Variants in YY1AP1 observed in about 807,000 individuals in gnomAD.
The protein encoded by YY1AP1 is YY1 associated protein 1.
YY1AP1 carries 43 observed loss-of-function variants against 39.9 expected under a neutral mutation model. The ratio of observed to expected loss-of-function variants is 1.08; its 90% CI spans 0.84 to 1.39. The LOEUF is 1.39. Among genes scored for constraint, YY1AP1 ranks in the 40% most tolerant of loss-of-function variants. The pLI, the probability that YY1AP1 is intolerant of heterozygous loss-of-function variation, is 0.00. For missense variants in YY1AP1, 813 were observed against 900.7 expected (o/e 0.90, Z 1.25); for synonymous variants, 292 against 331.3 (o/e 0.88, Z 1.29).
intron 2 of YY1AP1, among the ~76,000 whole-genome samples, chr1:155,685,320 A>ATCTCTTCAACCACAGAAAATTAGCG (rs1443250793): frequency 6.6e-6 from 1 of 152,182 alleles, no homozygotes; most frequent in Non-Finnish European, 1.5e-5. Flanking sequence ...AATTCACAGC[A>ATCTCTTCAACCACAGAAAATTAGCG]TCTCTTCAAC....
At position 155,660,347 on chromosome 1, in the gene YY1AP1, A is replaced by C; in HGVS notation, c.1563T>G (p.Phe521Leu). 1.2e-6 allele frequency: 2 copies of C among 1,614,138 alleles called. No homozygotes were observed. Among genetic ancestry groups the C allele is most frequent in the South Asian group, 2.2e-5 (2 of 91,072 alleles). Residue 521 changes from phenylalanine (F) to leucine (L), a missense_variant, in exon 11 of 11, where the codon TTT becomes TTG. Around this residue, in one of 3 missense-constraint regions of YY1AP1, gnomAD observed 586 missense variants for 647.4 expected, o/e 0.91. Transcript: ENST00000355499. ...GTCTCCGTCTCACATATGGCTTTCG[A>C]AACATGGAAGAGGCAGGGGAGGGCA... is the stretch of plus-strand genomic sequence containing the variant. ...VMMPSPASSMFRKPYVRRRPS... is the reference protein window; with the variant it reads ...VMMPSPASSMLRKPYVRRRPS...
chr1:155,688,765 C>T lies in YY1AP1; in HGVS notation c.-258G>A. ...CGCCAAAGCAGCCGCCGCCAGCACC[C>T]CCACCCTACACTCCTCGCGCGTGCG... is the stretch of plus-strand genomic sequence containing the variant. On this transcript the variant is annotated 5_prime_UTR_variant, in exon 1 of 11. Transcript: ENST00000355499. The T allele has an allele frequency of 1.3e-6, 2 of 1,529,116 alleles. No homozygotes were observed. The allele number at this position is 1,529,116 out of a possible 1,614,324, so 94.7% of individuals were successfully genotyped here.
chr1:155,681,266 G>C (rs1216206023), intron 2 of YY1AP1, among the ~76,000 whole-genome samples: 1 of 151,972 alleles, frequency 6.6e-6, no homozygotes, highest in East Asian at 1.9e-4. Context: ...CTGACCTCAG[G>C]TGATCCGCCC....
chr1:155,670,560 C>A lies in YY1AP1; in HGVS notation c.584-96G>T, dbSNP rs1313331965. 2.3e-6 allele frequency: 3 copies of A among 1,317,818 alleles called. No individual in the cohort carries two copies. The East Asian group carries it at 7.2e-5, about 32-fold the overall frequency. The allele number at this position is 1,317,818 out of a possible 1,614,324, so 81.6% of individuals were successfully genotyped here. On this transcript the variant is annotated intron_variant, in intron 7 of 10. Coordinates refer to ENST00000355499, the MANE Select transcript of YY1AP1 (RefSeq NM_139119.3). ...ATTTTTGCATTTAGGTAGAGCTGTC[C>A]TTATCTAACTTGATTCCCTCCCATC...
At chr1:155,663,719 A>AAAAC (rs1321017140) in intron 9 of YY1AP1, among the ~76,000 whole-genome samples, 5 of 152,016 alleles carry the variant, frequency 3.3e-5, no homozygotes, top group African/African-American at 9.7e-5. Context: ...ACTCTGTCTC[A>AAAAC]AAACAAACAA....
rs967166056 is a variant in YY1AP1, at chr1:155,672,653, G to C, written c.490C>G (p.Pro164Ala). 4 of 1,613,942 alleles carry C rather than the reference G, an allele frequency of 2.5e-6. No individual in the cohort carries two copies. Among genetic ancestry groups the C allele is most frequent in the Non-Finnish European group, 3.4e-6 (4 of 1,179,934 alleles). ...YNPKFQTLFQ[P>A]CNLMGAMQLI... ...TGCATAGCTCCCATCAAGTTACAGGGTTGGAACAGGGTCTGAAACTTGGGG... is the reference window on the plus strand; with the variant it reads ...TGCATAGCTCCCATCAAGTTACAGGCTTGGAACAGGGTCTGAAACTTGGGG... Residue 164 changes from proline to alanine, a missense_variant, in exon 7 of 11, where the codon CCC becomes GCC. By Grantham distance (27) the Pro-to-Ala change is conservative. Coordinates refer to ENST00000355499, the MANE Select transcript of YY1AP1 (RefSeq NM_139119.3).
chr1:155,682,290 T>G (rs475550), intron 2 of YY1AP1, among the ~76,000 whole-genome samples: 1 of 151,890 alleles, frequency 6.6e-6, no homozygotes, highest in African/African-American at 2.4e-5. Flanking sequence ...TCTACAATGG[T>G]TATCTAGGAA....
chr1:155,662,998 C>G (rs192171516), intron 9 of YY1AP1, among the ~76,000 whole-genome samples: 62 of 152,092 alleles, frequency 4.1e-4, no homozygotes, highest in African/African-American at 1.4e-3. Context: ...GAGCAAGACT[C>G]CAACCCCGAC....
intron 6 of YY1AP1, 64 bp downstream of exon 6, chr1:155,674,946 G>C (rs923501618): frequency 1.0e-5 from 15 of 1,452,266 alleles, no homozygotes; most frequent in Non-Finnish European, 1.3e-5. Flanking sequence ...ATAACTGTGA[G>C]AAATAACCTG....
chr1:155,659,858 G>C lies in YY1AP1; in HGVS notation c.2052C>G (p.Val684=), dbSNP rs201169109. 44 of 1,614,058 alleles carry C rather than the reference G, an allele frequency of 2.7e-5. No homozygotes were observed. Among genetic ancestry groups the C allele is most frequent in the Non-Finnish European group, 3.5e-5 (41 of 1,180,048 alleles). The change falls in exon 11 of 11, where the codon GTC becomes GTG. Residue 684 remains valine (V), a synonymous_variant. Transcript: ENST00000355499. ...KVEHSPGPPP[V]DKQCQEGLSE... ...ACAATCCTTCTTGGCACTGTTTATC[G>C]ACTGGTGGAGGCCCTGGGCTATGTT...
At chr1:155,670,675 CTT>C (rs58881636) in intron 7 of YY1AP1, 19,016 of 320,088 alleles carry the variant, frequency 0.059, 5 homozygotes, top group East Asian at 0.12. Context: ...TAAAAGTTGA[CTT>C]TTTTTTTTTT....
chr1:155,661,877 C>T (rs1648217748), intron 9 of YY1AP1, among the ~76,000 whole-genome samples: 1 of 152,040 alleles, frequency 6.6e-6, no homozygotes, highest in South Asian at 2.1e-4. Context: ...AGGATGGTCT[C>T]GATCTCCTGA....
chr1:155,677,782 C>G (rs971127271), intron 4 of YY1AP1, among the ~76,000 whole-genome samples: 3 of 152,096 alleles, frequency 2.0e-5, no homozygotes, highest in African/African-American at 7.2e-5. Flanking sequence ...ACTGAAGGAA[C>G]AGAAGAGAAG....
At chr1:155,670,606 G>T in intron 7 of YY1AP1, 142 bp from the exon 8 acceptor site, 1 of 773,226 alleles carries the variant, frequency 1.3e-6, no homozygotes, top group Non-Finnish European at 2.0e-6. Flanking sequence ...TCCCCAAAGA[G>T]TTTCCACAGT....
At chr1:155,681,863 TA>T (rs1651572349) in intron 2 of YY1AP1, among the ~76,000 whole-genome samples, 1 of 129,932 alleles carries the variant, frequency 7.7e-6, no homozygotes, top group Non-Finnish European at 1.6e-5. Context: ...TTTTTTTTTT[TA>T]AATAGAGCCA....
rs747742737 is a variant in YY1AP1 at position 155,660,257 on chromosome 1, T to C, written c.1653A>G (p.Ala551=). The C allele has an allele frequency of 1.4e-5, 23 of 1,614,020 alleles. No homozygotes were observed. Among genetic ancestry groups the C allele is most frequent in the Non-Finnish European group, 1.9e-5 (22 of 1,180,046 alleles). Residue 551 remains alanine (A), a synonymous_variant, in exon 11 of 11, where the codon GCA becomes GCG. Coordinates refer to ENST00000355499, the MANE Select transcript of YY1AP1 (RefSeq NM_139119.3). The part of the protein sequence containing the change: ...CIKPAPVIHP[A]SVIFTVPATT... ...TAGCAGGAACAGTGAAGATAACAGA[T>C]GCAGGGTGGATAACAGGGGCAGGTT...
intron 6 of YY1AP1, 57 bp downstream of exon 6, chr1:155,674,953 C>A (rs1650423787): frequency 6.7e-6 from 10 of 1,487,070 alleles, no homozygotes; most frequent in Non-Finnish European, 8.4e-6. Context: ...TGAGAAATAA[C>A]CTGCCAAGCT....
intron 9 of YY1AP1, among the ~76,000 whole-genome samples, chr1:155,665,748 G>T (rs963006240): frequency 1.6e-5 from 2 of 126,650 alleles, no homozygotes; most frequent in African/African-American, 6.1e-5. Flanking sequence ...AGTGAGCCGA[G>T]ATCCAGCCTG....
At chr1:155,678,870 C>A (rs1055593788) in intron 4 of YY1AP1, among the ~76,000 whole-genome samples, 2 of 152,162 alleles carry the variant, frequency 1.3e-5, no homozygotes. Flanking sequence ...AGTGCAGATG[C>A]AAATCCACCA....
Sources: allele counts gnomAD v4.1 joint callset (sites outside exome capture counted in the v4.1 genomes callset), GRCh38; gene constraint gnomAD v4.1.1; regional missense constraint gnomAD v4.1.1; transcripts MANE v1.5; gene names NCBI Gene and HGNC (gene_info 2026-07-23, HGNC 2026-07-21).